CDH13: variants seen among roughly 807,000 people sequenced by gnomAD.
CDH13 encodes cadherin 13.
A neutral mutation model predicts 63.8 loss-of-function variants in CDH13; 24 were observed. The ratio of observed to expected loss-of-function variants is 0.38; its 90% CI spans 0.27 to 0.53. The LOEUF (loss-of-function observed/expected upper bound fraction) is 0.53. CDH13 is among the 20% of genes least tolerant of loss of function. CDH13 has a pLI of 0.85. For synonymous variants in CDH13, 503 were observed against 355.3 expected (o/e 1.42, Z -4.67); for missense variants, 1,049 against 903.1 (o/e 1.16, Z -2.07).
intron 2 of CDH13, among the ~76,000 whole-genome samples, chr16:82,992,086 G>C (rs1027953069): frequency 6.6e-6 from 1 of 152,138 alleles, no homozygotes; most frequent in African/African-American, 2.4e-5. Flanking sequence ...GAAGTGAAAC[G>C]GCACTGATTA....
chr16:82,698,657 T>A (rs2030625410), intron 1 of CDH13, among the ~76,000 whole-genome samples: 1 of 152,246 alleles, frequency 6.6e-6, no homozygotes, highest in South Asian at 2.1e-4. Context: ...CAGCAAGCAA[T>A]CTACTGGCCA....
chr16:83,486,461 T>G lies in CDH13; in HGVS notation c.782-16T>G, dbSNP rs781728459. 2.1e-5 allele frequency: 33 copies of G among 1,606,198 alleles called. No individual in the cohort carries two copies. In the Middle Eastern group the frequency reaches 5.0e-4, roughly 24 times the overall value. On this transcript the variant is annotated splice_polypyrimidine_tract_variant and intron_variant, in intron 6 of 13. Transcript: ENST00000567109. ...CATTGATAACCATTCCGTGCCTTTC[T>G]GTCTTGCCCCGGTAGGCACCACAGT... is the stretch of plus-strand genomic sequence containing the variant.
At chr16:82,783,849 T>G (rs1174134252) in intron 1 of CDH13, among the ~76,000 whole-genome samples, 3 of 152,142 alleles carry the variant, frequency 2.0e-5, no homozygotes, top group African/African-American at 7.2e-5. Flanking sequence ...TCAGGCTCTC[T>G]GCATAATTTT....
intron 2 of CDH13, among the ~76,000 whole-genome samples, chr16:82,976,208 C>G (rs767530148): frequency 6.6e-6 from 1 of 152,154 alleles, no homozygotes; most frequent in Non-Finnish European, 1.5e-5. Context: ...AGTGGGTACA[C>G]CAGGGGGCCT....
At chr16:83,389,868 A>G (rs1243394021) in intron 6 of CDH13, among the ~76,000 whole-genome samples, 7 of 152,222 alleles carry the variant, frequency 4.6e-5, no homozygotes, top group Non-Finnish European at 5.9e-5. Flanking sequence ...TACGAAGAAC[A>G]TTGCCCTGTG....
rs547649184 is a variant in CDH13, at chr16:82,671,926, C to T, written c.45+44789C>T. On this transcript the variant is annotated intron_variant, in intron 1 of 13. Coordinates refer to ENST00000567109, the MANE Select transcript of CDH13 (RefSeq NM_001257.5). ...TGGCCAGCATCATTTCTCTGTGTCT[C>T]ACTACAGAAGGAGGTCTTTGTTTAT... 2.0e-5 allele frequency among the ~76,000 whole-genome samples: 3 copies of T among 152,316 alleles called. No individual in the cohort carries two copies. In the East Asian group the frequency reaches 5.8e-4, roughly 29 times the overall value.
intron 1 of CDH13, among the ~76,000 whole-genome samples, chr16:82,646,697 C>T (rs1041241661): frequency 5.3e-5 from 8 of 152,122 alleles, no homozygotes; most frequent in Admixed American, 2.0e-4. Flanking sequence ...TCATCCCCAT[C>T]TACAGATGAG....
intron 10 of CDH13, among the ~76,000 whole-genome samples, chr16:83,729,902 A>C (rs1414235864): frequency 6.6e-6 from 1 of 152,242 alleles, no homozygotes; most frequent in Non-Finnish European, 1.5e-5. Context: ...GGTTTGGCAC[A>C]CAGGGCTTCA....
rs897399042 is a variant in CDH13, at chr16:83,770,056, T to C, written c.1682-9912T>C. ...TGGCATGCAATTCCCGTCAACCCTG[T>C]GGGGATGGTTTCAAAACCTGACCCT... On this transcript the variant is annotated intron_variant, in intron 11 of 13. Transcript: ENST00000567109. Among the ~76,000 whole-genome samples, 4 of 152,096 alleles carry C rather than the reference T, an allele frequency of 2.6e-5. No homozygotes were observed. The East Asian group carries it at 7.7e-4, about 29-fold the overall frequency.
chr16:83,196,030 C>T (rs576833535), intron 4 of CDH13, among the ~76,000 whole-genome samples: 23 of 152,188 alleles, frequency 1.5e-4, no homozygotes, highest in East Asian at 5.8e-4. Flanking sequence ...CCGAGGCAGG[C>T]GGATCACCTG....
chr16:82,743,305 C>T (rs1278551058), intron 1 of CDH13, among the ~76,000 whole-genome samples: 2 of 152,152 alleles, frequency 1.3e-5, no homozygotes, highest in East Asian at 3.9e-4. Flanking sequence ...CAGCTCACTG[C>T]AGCCTCAGAC....
At chr16:83,473,206 T>A (rs2073505935) in intron 6 of CDH13, among the ~76,000 whole-genome samples, 1 of 152,230 alleles carries the variant, frequency 6.6e-6, no homozygotes. Flanking sequence ...CAGTGTTATT[T>A]TATACATACT....
chr16:83,707,147 A>G (rs917763587), intron 10 of CDH13, among the ~76,000 whole-genome samples: 2 of 152,206 alleles, frequency 1.3e-5, no homozygotes, highest in African/African-American at 4.8e-5. Context: ...CCAATATGCC[A>G]TGCATGTTCA....
intron 7 of CDH13, among the ~76,000 whole-genome samples, chr16:83,491,254 C>T (rs572265387): frequency 1.3e-5 from 2 of 152,250 alleles, no homozygotes; most frequent in East Asian, 3.9e-4. Flanking sequence ...GTGCCTCTTG[C>T]TTAAGTGTTT....
intron 2 of CDH13, among the ~76,000 whole-genome samples, chr16:83,014,695 C>G (rs1914510756): frequency 7.2e-6 from 1 of 139,204 alleles, no homozygotes; most frequent in African/African-American, 2.7e-5. Flanking sequence ...TGCACCACTG[C>G]ACTCCAGCTT....
chr16:83,082,810 C>G (rs1314813183), intron 3 of CDH13, among the ~76,000 whole-genome samples: 1 of 152,152 alleles, frequency 6.6e-6, no homozygotes, highest in Non-Finnish European at 1.5e-5. Context: ...CAGAAAAAGT[C>G]CCTCAAGCAC....
intron 4 of CDH13, among the ~76,000 whole-genome samples, chr16:83,143,803 A>C (rs1333083985): frequency 6.6e-6 from 1 of 152,040 alleles, no homozygotes; most frequent in South Asian, 2.1e-4. Flanking sequence ...TTTCTCACCC[A>C]CTACTCCTCT....
intron 1 of CDH13, among the ~76,000 whole-genome samples, chr16:82,683,547 T>A (rs1174636834): frequency 6.6e-6 from 1 of 151,754 alleles, no homozygotes; most frequent in Non-Finnish European, 1.5e-5. Flanking sequence ...GACCAAGGAG[T>A]CAAGCACACA....
chr16:82,670,101 T>A (rs1913061190), intron 1 of CDH13, among the ~76,000 whole-genome samples: 1 of 152,174 alleles, frequency 6.6e-6, no homozygotes, highest in South Asian at 2.1e-4. Flanking sequence ...GTTTCTTGAG[T>A]CACCGAGCAT....
Sources: allele counts gnomAD v4.1 joint callset (sites outside exome capture counted in the v4.1 genomes callset), GRCh38; gene constraint gnomAD v4.1.1; transcripts MANE v1.5; gene names NCBI Gene and HGNC (gene_info 2026-07-23, HGNC 2026-07-21).